Variants in GPI observed in about 807,000 individuals in gnomAD.
GPI encodes the protein glucose-6-phosphate isomerase, also known as D-hexose-6-phosphate anomerase.
In GPI, 56 loss-of-function variants were observed where a neutral mutation model predicts 75.8. The observed-to-expected ratio is 0.74, with a 90% CI of 0.60 to 0.92. The LOEUF is 0.92. Ranked by LOEUF, GPI falls within the 40% of genes least tolerant of loss-of-function variation. The pLI is 0.00. For synonymous variants in GPI, 288 were observed against 285.4 expected, an observed-to-expected ratio of 1.01 and a Z score of -0.09; for missense variants, 638 against 741.0, an observed-to-expected ratio of 0.86 and a Z score of 1.61.
In GPI at chr19:34,393,513, C is replaced by T; in HGVS notation, c.865+205C>T. The T allele has an allele frequency of 1.4e-6, 1 of 708,332 alleles. No homozygotes were observed. The allele number at this position is 708,332 out of a possible 1,614,324, so 43.9% of individuals were successfully genotyped here. A position where few individuals can be genotyped will look rare whatever the true frequency, so the allele number is the denominator to read the frequency against. On this transcript the variant is annotated intron_variant, in intron 10 of 17. Transcript: ENST00000356487. This position sits in a 1 kb window ranked among gnomAD's most constrained non-coding sequence, Gnocchi z 4.4. ...AGTTGGCCCCCGTCTTTGCCCCTCACAACTGCAGTCCTGTTTCTCTCCTAT... is the reference window on the plus strand; with the variant it reads ...AGTTGGCCCCCGTCTTTGCCCCTCATAACTGCAGTCCTGTTTCTCTCCTAT...
intron 1 of GPI, 181 bp from the exon 2 acceptor site, chr19:34,366,164 C>T: frequency 1.4e-6 from 1 of 700,340 alleles, no homozygotes; most frequent in Non-Finnish European, 2.6e-6. Flanking sequence ...CTCTGGGCTG[C>T]TGTTGCAGAT....
chr19:34,396,780 C>G (rs2074952104), intron 14 of GPI, 123 bp downstream of exon 14: 2 of 777,292 alleles, frequency 2.6e-6, no homozygotes, highest in South Asian at 1.5e-5. Context: ...CAAATGATAA[C>G]AAACATGGAG....
upstream of GPI, among the ~76,000 whole-genome samples, chr19:34,362,568 A>T (rs1234442130): frequency 6.6e-6 from 1 of 152,198 alleles, no homozygotes; most frequent in African/African-American, 2.4e-5. Context: ...TGGAAAGGTG[A>T]ACACCCGTAA....
rs1356302354 is a variant in GPI at position 34,379,985 on chromosome 19, G to GTTTTTTTTTTTTTTTTTTTTTTTTTTTT, written c.750+427_750+428insTTTTTTTTTTTTTTTTTTTTTTTTTTTT. The stretch of plus-strand genomic sequence containing the variant: ...TTTTGCCCCCTACTTAGTGTGTGTG[G>GTTTTTTTTTTTTTTTTTTTTTTTTTTTT]TTTTGTTTTTTTTTTTTTTTTTTTT... On this transcript the variant is annotated intron_variant, in intron 8 of 17. Transcript: ENST00000356487. 3 of 127,574 alleles carry GTTTTTTTTTTTTTTTTTTTTTTTTTTTT rather than the reference G, an allele frequency of 2.4e-5. 1 individual carries two copies. Among genetic ancestry groups the GTTTTTTTTTTTTTTTTTTTTTTTTTTTT allele is most frequent in the Non-Finnish European group, 1.5e-5 (1 of 68,642 alleles). The allele number at this position is 127,574 out of a possible 1,614,324, so 7.9% of individuals were successfully genotyped here. A position where few individuals can be genotyped will look rare whatever the true frequency, so the allele number is the denominator to read the frequency against.
intron 9 of GPI, among the ~76,000 whole-genome samples, chr19:34,388,327 T>C (rs1258595859): frequency 6.6e-6 from 1 of 152,110 alleles, no homozygotes; most frequent in Non-Finnish European, 1.5e-5. Flanking sequence ...ATACAAAAAT[T>C]AGCCATGCAT....
chr19:34,372,071 C>G (rs1052973809), intron 4 of GPI, among the ~76,000 whole-genome samples: 2 of 151,636 alleles, frequency 1.3e-5, no homozygotes, highest in Non-Finnish European at 2.9e-5. Flanking sequence ...GCTGGGATTA[C>G]AGGCATCCGC....
At chr19:34,379,383 G>A in intron 7 of GPI, 135 bp from the exon 8 acceptor site, 1 of 846,316 alleles carries the variant, frequency 1.2e-6, no homozygotes, top group Non-Finnish European at 2.1e-6. Context: ...CTCGATGTGG[G>A]CCTTCTCCAA....
chr19:34,388,484 A>ATCTTTTTTTTT (rs559950751), intron 9 of GPI, among the ~76,000 whole-genome samples: 18,990 of 151,996 alleles, frequency 0.12, 1,641 homozygotes, highest in African/African-American at 0.24. Flanking sequence ...CTCAAAAAAA[A>ATCTTTTTTTTT]AGAAAGTGAG....
intron 12 of GPI, among the ~76,000 whole-genome samples, chr19:34,395,795 G>C (rs2074934492): frequency 6.6e-6 from 1 of 152,196 alleles, no homozygotes; most frequent in African/African-American, 2.4e-5. Context: ...TGTCAGGGCA[G>C]GGTGGGTCTG....
In GPI at chr19:34,377,731, G is replaced by T. The variant is rs755712210; in HGVS notation, c.487-4G>T. On this transcript the variant is annotated splice_region_variant and splice_polypyrimidine_tract_variant and intron_variant, in intron 5 of 17. Transcript: ENST00000356487. ...TTATTCTCTGATGCTATGTCTCCCC[G>T]CAGGGACCCCTCATGGTGACTGAAG... 10 of 1,613,658 alleles carry T rather than the reference G, an allele frequency of 6.2e-6. No individual in the cohort carries two copies. Among genetic ancestry groups the T allele is most frequent in the Non-Finnish European group, 7.6e-6 (9 of 1,179,736 alleles).
intron 9 of GPI, 199 bp downstream of exon 9, chr19:34,381,718 G>T: frequency 1.6e-6 from 1 of 640,848 alleles, no homozygotes; most frequent in East Asian, 2.7e-5. Flanking sequence ...CCACCTGAGG[G>T]CGGGCTGAGC....
At position 34,400,267 on chromosome 19, in the gene GPI, T is replaced by C. The variant is rs2075003761; in HGVS notation, c.*231T>C. The C allele has an allele frequency of 1.5e-5, 9 of 611,914 alleles. No individual in the cohort carries two copies. In the Admixed American group the frequency reaches 2.5e-4, roughly 17 times the overall value. 37.9% of individuals were successfully genotyped at this position (611,914 alleles called of 1,614,324 possible). On this transcript the variant is annotated 3_prime_UTR_variant, in exon 18 of 18. Transcript: ENST00000356487. ...GCTGAAGTGTTTTTGTGCAGCTGAC[T>C]TTTCTGACCCATGTTCACGTTGTTC...
chr19:34,367,172 G>A, intron 3 of GPI: 4 of 436,524 alleles, frequency 9.2e-6, no homozygotes, highest in South Asian at 8.2e-5. Flanking sequence ...AGTTTTAGTA[G>A]CGACAAGAAG....
Position 34,400,780 on chromosome 19 carries a change from A to G in GPI, c.*744A>G. On this transcript the variant is annotated 3_prime_UTR_variant, in exon 18 of 18. Coordinates refer to ENST00000356487, the MANE Select transcript of GPI (RefSeq NM_000175.5). ...CGCTCTGTCACCCAGACTGGAGTGCAGTGGTGCAATCTCGGCTCACTGCAA... is the reference window on the plus strand; with the variant it reads ...CGCTCTGTCACCCAGACTGGAGTGCGGTGGTGCAATCTCGGCTCACTGCAA... The G allele has an allele frequency of 2.5e-6, 1 of 392,960 alleles. No individual in the cohort carries two copies. The highest frequency in any genetic ancestry group is 4.5e-6 in the Non-Finnish European group (1 of 222,868). 24.3% of individuals were successfully genotyped at this position (392,960 alleles called of 1,614,324 possible).
chr19:34,391,940 G>GC (rs1378641666), intron 9 of GPI, among the ~76,000 whole-genome samples: 11 of 576 alleles, frequency 0.019, no homozygotes, highest in Non-Finnish European at 0.028. Flanking sequence ...GTCATGTCTG[G>GC]AGGTAAGATC....
chr19:34,377,945 G>A, intron 6 of GPI, 64 bp downstream of exon 6: 2 of 1,547,848 alleles, frequency 1.3e-6, no homozygotes, highest in Admixed American at 1.7e-5. Context: ...AGGGACAGCT[G>A]TCTTGCCATC....
In GPI at chr19:34,368,023, C is replaced by T. The variant is rs1014612488; in HGVS notation, c.283-560C>T. On this transcript the variant is annotated intron_variant, in intron 3 of 17. Transcript: ENST00000356487. ...GCAACCTCTGTCTAATGGGTTCAGG[C>T]GATTCTCTGCCTCAGATTCCTGAGT... Among the ~76,000 whole-genome samples the T allele has an allele frequency of 3.3e-5, 5 of 152,134 alleles. 1 individual carries two copies. In the South Asian group the frequency reaches 6.2e-4, roughly 19 times the overall value.
chr19:34,371,854 C>T (rs1209833315), intron 4 of GPI, among the ~76,000 whole-genome samples: 1 of 137,942 alleles, frequency 7.2e-6, no homozygotes, highest in African/African-American at 2.7e-5. Context: ...GACTTTGTCT[C>T]AAAAAGAAAA....
At position 34,393,883 on chromosome 19, in the gene GPI, T is replaced by G; in HGVS notation, c.910-31T>G. On this transcript the variant is annotated intron_variant, in intron 11 of 17. Transcript: ENST00000356487. This position sits in a 1 kb window ranked among gnomAD's most constrained non-coding sequence, Gnocchi z 4.4. ...GTCCCTCCCCTCCCCGTGCAGCTGC[T>G]CAGCTCCCACTCATCCTGCTCCTGT... The G allele has an allele frequency of 6.2e-7, 1 of 1,612,662 alleles. No homozygotes were observed. The highest frequency in any genetic ancestry group is 1.1e-5 in the South Asian group (1 of 91,044).
Sources: allele counts gnomAD v4.1 joint callset (sites outside exome capture counted in the v4.1 genomes callset), GRCh38; gene constraint gnomAD v4.1.1; non-coding constraint Gnocchi (gnomAD v3.1); transcripts MANE v1.5; gene names NCBI Gene and HGNC (gene_info 2026-07-23, HGNC 2026-07-21).